Variants in TYR observed in about 807,000 individuals in gnomAD.
The protein encoded by TYR is LB24-AB.
Under a neutral mutation model 51.5 loss-of-function variants are expected in TYR, and 58 were observed. That is an observed-to-expected ratio of 1.13 (90% CI 0.91 to 1.40). TYR has a LOEUF of 1.40. Ranked by LOEUF, TYR falls within the 40% of genes most tolerant of loss-of-function variation. The pLI is 0.00. For missense variants in TYR, 732 were observed against 647.4 expected, an observed-to-expected ratio of 1.13 and a Z score of -1.42; for synonymous variants, 263 against 235.2, an observed-to-expected ratio of 1.12 and a Z score of -1.08.
At chr11:89,205,775 A>G (rs1347426346) in intron 2 of TYR, among the ~76,000 whole-genome samples, 2 of 152,156 alleles carry the variant, frequency 1.3e-5, no homozygotes, top group Admixed American at 6.5e-5. Flanking sequence ...GAAATGATAA[A>G]ATAAACTTTC....
At chr11:89,198,092 C>T (rs1024658021) in intron 2 of TYR, among the ~76,000 whole-genome samples, 3 of 151,812 alleles carry the variant, frequency 2.0e-5, no homozygotes, top group African/African-American at 7.3e-5. Context: ...TTTTTAATGA[C>T]ATTTAAACAA....
chr11:89,278,933 G>A (rs763925307), intron 3 of TYR, among the ~76,000 whole-genome samples: 18 of 151,466 alleles, frequency 1.2e-4, no homozygotes, highest in Non-Finnish European at 2.2e-4. Context: ...GTACTGCTCA[G>A]GTATTTTGTA....
At chr11:89,214,392 G>A (rs752507810) in intron 2 of TYR, among the ~76,000 whole-genome samples, 55 of 152,216 alleles carry the variant, frequency 3.6e-4, no homozygotes, top group Non-Finnish European at 6.3e-4. Flanking sequence ...ACAGATGCTA[G>A]AGAGGATGTA....
At chr11:89,214,804 G>A (rs894053844) in intron 2 of TYR, among the ~76,000 whole-genome samples, 12 of 152,128 alleles carry the variant, frequency 7.9e-5, no homozygotes, top group African/African-American at 2.9e-4. Flanking sequence ...CCAGAAATCA[G>A]GAGACTAAGA....
chr11:89,262,551 A>T (rs1020162362), intron 3 of TYR, among the ~76,000 whole-genome samples: 1 of 151,574 alleles, frequency 6.6e-6, no homozygotes, highest in African/African-American at 2.4e-5. Flanking sequence ...ATGAAACAAA[A>T]AGTTGATTCT....
At chr11:89,285,428 G>C (rs2135324856) in intron 4 of TYR, among the ~76,000 whole-genome samples, 1 of 151,672 alleles carries the variant, frequency 6.6e-6, no homozygotes, top group East Asian at 1.9e-4. Flanking sequence ...TTCTTGCTAG[G>C]GTTACCAAGA....
intron 3 of TYR, among the ~76,000 whole-genome samples, chr11:89,231,339 A>G (rs958720002): frequency 6.9e-6 from 1 of 145,588 alleles, no homozygotes; most frequent in African/African-American, 2.7e-5. Context: ...AATATATCTG[A>G]ACTTCCAAGT....
chr11:89,217,751 C>T (rs1269199547), intron 2 of TYR, among the ~76,000 whole-genome samples: 3 of 152,128 alleles, frequency 2.0e-5, no homozygotes, highest in African/African-American at 7.2e-5. Flanking sequence ...ACTGAAGCCT[C>T]GATTCTTAAC....
At chr11:89,219,711 G>A (rs115482141) in intron 2 of TYR, among the ~76,000 whole-genome samples, 1,669 of 152,082 alleles carry the variant, frequency 0.011, 30 homozygotes, top group African/African-American at 0.038. Flanking sequence ...GTGGGTATTG[G>A]GTCTTATACA....
chr11:89,190,274 T>A (rs957376426), intron 1 of TYR, among the ~76,000 whole-genome samples: 1 of 152,088 alleles, frequency 6.6e-6, no homozygotes, highest in Non-Finnish European at 1.5e-5. Flanking sequence ...GAGATTGTTA[T>A]AGAGATGATA....
intron 2 of TYR, among the ~76,000 whole-genome samples, chr11:89,198,754 C>CAT (rs144458836): frequency 0.02 from 2,979 of 146,368 alleles, 116 homozygotes; most frequent in African/African-American, 0.072. Flanking sequence ...ACTTTTTTCT[C>CAT]ATATATATAT....
intron 2 of TYR, among the ~76,000 whole-genome samples, chr11:89,218,975 A>T (rs1943872097): frequency 6.6e-6 from 1 of 152,160 alleles, no homozygotes; most frequent in Non-Finnish European, 1.5e-5. Context: ...TGTAAATTTA[A>T]CCTGCCCTTG....
intron 4 of TYR, among the ~76,000 whole-genome samples, chr11:89,290,394 T>C (rs1407037055): frequency 6.6e-6 from 1 of 152,008 alleles, no homozygotes; most frequent in Non-Finnish European, 1.5e-5. Context: ...GACATAGAAA[T>C]AGTATTTAAA....
intron 3 of TYR, among the ~76,000 whole-genome samples, chr11:89,244,869 C>T (rs997383242): frequency 1.3e-5 from 2 of 152,148 alleles, no homozygotes; most frequent in African/African-American, 2.4e-5. Context: ...CAACTAGTTT[C>T]CTCGAGGGCA....
At chr11:89,238,709 T>C (rs903852995) in intron 3 of TYR, among the ~76,000 whole-genome samples, 1 of 152,164 alleles carries the variant, frequency 6.6e-6, no homozygotes, top group African/African-American at 2.4e-5. Flanking sequence ...TGAAGTATGA[T>C]GTTAGCATTG....
In TYR at chr11:89,278,120, G is replaced by A. The variant is rs1944677730; in HGVS notation, c.1185-6653G>A. The stretch of plus-strand genomic sequence containing the variant: ...AATTTGTCGCATACTTCCAATCAAA[G>A]ATTCTTTCCAAATTCCATTCTGTCC... On this transcript the variant is annotated intron_variant, in intron 3 of 4. Transcript: ENST00000263321. Among the ~76,000 whole-genome samples, 7 of 151,624 alleles carry A rather than the reference G, an allele frequency of 4.6e-5. No individual in the cohort carries two copies. In the South Asian group the frequency reaches 1.5e-3, roughly 32 times the overall value.
intron 3 of TYR, among the ~76,000 whole-genome samples, chr11:89,242,412 A>G (rs1944210220): frequency 6.6e-6 from 1 of 151,896 alleles, no homozygotes; most frequent in Admixed American, 6.6e-5. Context: ...GGGTTTCACC[A>G]TTTGGCTAGG....
At chr11:89,196,301 GA>G (rs1317940214) in intron 2 of TYR, among the ~76,000 whole-genome samples, 1 of 152,084 alleles carries the variant, frequency 6.6e-6, no homozygotes, top group Admixed American at 6.6e-5. Flanking sequence ...GGGGAGGATG[GA>G]AAATTCATGA....
At chr11:89,198,376 G>A (rs1312867788) in intron 2 of TYR, among the ~76,000 whole-genome samples, 3 of 152,066 alleles carry the variant, frequency 2.0e-5, no homozygotes, top group Admixed American at 6.6e-5. Context: ...CACTAATTCT[G>A]AGGGAATCAG....
Sources: gnomAD v4.1 joint callset for allele counts (sites outside exome capture counted in the v4.1 genomes callset) on GRCh38, gnomAD v4.1.1 for gene constraint, MANE v1.5 for transcripts, NCBI Gene and HGNC (gene_info 2026-07-23, HGNC 2026-07-21) for gene names.